The following CNGA3 variants were observed in gnomAD, a reference collection of about 807,000 sequenced individuals.
CNGA3 encodes cyclic nucleotide-gated channel alpha-3.
CNGA3 carries 42 observed loss-of-function variants against 46.6 expected under a neutral mutation model. The observed-to-expected ratio is 0.90, with a 90% CI of 0.70 to 1.17. The LOEUF (loss-of-function observed/expected upper bound fraction) is 1.17, where lower values mean the gene tolerates loss of function less well. CNGA3 is among the 50% of genes most tolerant of loss of function. CNGA3 has a pLI of 0.00. For missense variants in CNGA3, 893 were observed against 890.7 expected, an observed-to-expected ratio of 1.00 and a Z score of -0.03; for synonymous variants, 394 against 369.4, an observed-to-expected ratio of 1.07 and a Z score of -0.76.
Position 98,387,133 on chromosome 2 carries a change from T to C in CNGA3, c.450-2525T>C, listed in dbSNP as rs1692672175. ...CTTAGCAAAATATTAGGAACCGTTTTCCCACGTCACTAGCTCTTCTGAAAC... is the reference window on the plus strand; with the variant it reads ...CTTAGCAAAATATTAGGAACCGTTTCCCCACGTCACTAGCTCTTCTGAAAC... On this transcript the variant is annotated intron_variant, in intron 5 of 7. Coordinates refer to ENST00000272602, the MANE Select transcript of CNGA3 (RefSeq NM_001298.3). Among the ~76,000 whole-genome samples the C allele has an allele frequency of 4.6e-5, 7 of 152,364 alleles. No homozygotes were observed. The South Asian group carries it at 1.5e-3, about 32-fold the overall frequency.
At chr2:98,365,851 T>C (rs1254008795) in intron 1 of CNGA3, among the ~76,000 whole-genome samples, 22 of 152,210 alleles carry the variant, frequency 1.4e-4, no homozygotes. Context: ...CGTGCTCCTT[T>C]AGCTCAGCAA....
intron 2 of CNGA3, among the ~76,000 whole-genome samples, chr2:98,375,429 C>A (rs951947656): frequency 6.6e-6 from 1 of 152,202 alleles, no homozygotes; most frequent in Non-Finnish European, 1.5e-5. Flanking sequence ...CACCACCACC[C>A]CCATGCCAGC....
chr2:98,375,248 A>G (rs918487231), intron 2 of CNGA3, among the ~76,000 whole-genome samples: 15 of 152,236 alleles, frequency 9.9e-5, no homozygotes, highest in African/African-American at 3.6e-4. Context: ...ATGTGCCCTC[A>G]TGCAATTAGC....
chr2:98,387,930 T>C (rs1692689934), intron 5 of CNGA3, among the ~76,000 whole-genome samples: 1 of 152,308 alleles, frequency 6.6e-6, no homozygotes. Context: ...TGGGTCTATG[T>C]CGTACTACCT....
In CNGA3 at chr2:98,396,307, C is replaced by G; in HGVS notation, c.1137C>G (p.Leu379=). The change falls in exon 8 of 8, where the codon CTC becomes CTG. Residue 379 remains leucine (L), a synonymous_variant. Transcript: ENST00000272602. ...TPPPVKDEEY[L]FVVVDFLVGV... is the part of the protein sequence containing the mutation. ...CCCCCGTGAAAGATGAGGAGTATCT[C>G]TTTGTGGTCGTAGACTTCTTGGTGG... 1 of 1,611,272 alleles carries G rather than the reference C, an allele frequency of 6.2e-7. No homozygotes were observed. Among genetic ancestry groups the G allele is most frequent in the Non-Finnish European group, 8.5e-7 (1 of 1,177,878 alleles).
At position 98,358,760 on chromosome 2, in the gene CNGA3, ATCT is replaced by A. The variant is rs977992328; in HGVS notation, c.-37-11175_-37-11173del. Among the ~76,000 whole-genome samples, 11 of 147,620 alleles carry A rather than the reference ATCT, an allele frequency of 7.5e-5. 1 individual carries two copies. The highest frequency in any genetic ancestry group is 6.6e-4 in the Admixed American group (10 of 15,082). On this transcript the variant is annotated intron_variant, in intron 1 of 7. Coordinates refer to ENST00000272602, the MANE Select transcript of CNGA3 (RefSeq NM_001298.3). ...ACTTATGAGACAATAGGGAAAAAAG[ATCT>A]TCTGAGTTATCTTAAACTTACATTT...
chr2:98,387,467 T>A (rs1692677975), intron 5 of CNGA3, among the ~76,000 whole-genome samples: 1 of 152,238 alleles, frequency 6.6e-6, no homozygotes, highest in Admixed American at 6.5e-5. Context: ...TTTCTTCAAC[T>A]ATTCAATGGG....
At chr2:98,368,184 C>T (rs376079751) in intron 1 of CNGA3, among the ~76,000 whole-genome samples, 1 of 152,254 alleles carries the variant, frequency 6.6e-6, no homozygotes, top group Non-Finnish European at 1.5e-5. Context: ...CAGGACCCTG[C>T]TGAGCCGATG....
chr2:98,352,511 G>T (rs754380027), intron 1 of CNGA3, among the ~76,000 whole-genome samples: 2 of 152,284 alleles, frequency 1.3e-5, no homozygotes, highest in Admixed American at 1.3e-4. Context: ...AATGAATGAG[G>T]CTTCCAGTTT....
intron 1 of CNGA3, chr2:98,356,074 G>A (rs1377130885): frequency 6.6e-6 from 1 of 152,188 alleles, no homozygotes; most frequent in Non-Finnish European, 1.5e-5. Context: ...CTTCAGCACT[G>A]GAGAATTTCC....
intron 2 of CNGA3, among the ~76,000 whole-genome samples, chr2:98,371,395 T>G (rs1401812735): frequency 1.3e-5 from 2 of 152,172 alleles, no homozygotes; most frequent in Admixed American, 1.3e-4. Context: ...CTGTCTACAC[T>G]CTTGGTCCCA....
intron 2 of CNGA3, among the ~76,000 whole-genome samples, chr2:98,375,514 A>T (rs1387875772): frequency 6.6e-6 from 1 of 152,212 alleles, no homozygotes. Flanking sequence ...TCCTGCCTTT[A>T]TAGTATACAG....
chr2:98,377,704 A>AG lies in CNGA3; in HGVS notation c.121dup (p.Glu41GlyfsTer19). Reference sequence around the variant, plus strand: ...TTTCCTAGAGCCCACTCGTCAAGTGAGGAGACATCGTCAGTGCTGCAGCCG... The same window carrying AG: ...TTTCCTAGAGCCCACTCGTCAAGTGAGGGAGACATCGTCAGTGCTGCAGCCG... On this transcript the variant is annotated frameshift_variant, in exon 3 of 8. Transcript: ENST00000272602. LOFTEE classifies it high-confidence loss of function. 6.2e-7 allele frequency: 1 copy of AG among 1,613,382 alleles called. No individual in the cohort carries two copies. The highest frequency in any genetic ancestry group is 8.5e-7 in the Non-Finnish European group (1 of 1,179,986).
At chr2:98,384,613 A>G (rs951328862) in intron 5 of CNGA3, among the ~76,000 whole-genome samples, 1 of 152,258 alleles carries the variant, frequency 6.6e-6, no homozygotes, top group Admixed American at 6.5e-5. Flanking sequence ...GATTTTATCT[A>G]CAAAGCAATA....
rs1558820134 is a variant in CNGA3 at position 98,396,155 on chromosome 2, G to T, written c.985G>T (p.Gly329Cys). ...CTACTTTGCCATTTCCAAGTTCATT[G>T]GTTTTGGGACAGACTCCTGGGTCTA... is the stretch of plus-strand genomic sequence containing the variant. ...CIYFAISKFI[G>C]FGTDSWVYPN... The change falls in exon 8 of 8, where the codon GGT (glycine) becomes TGT (cysteine). Residue 329 changes from glycine to cysteine, a missense_variant. By Grantham distance (159) the Gly-to-Cys change is radical. Transcript: ENST00000272602. 6.2e-7 allele frequency: 1 copy of T among 1,614,114 alleles called. No homozygotes were observed. Among genetic ancestry groups the T allele is most frequent in the Non-Finnish European group, 8.5e-7 (1 of 1,180,026 alleles).
At chr2:98,379,957 G>A (rs540272676) in intron 3 of CNGA3, 18 of 608,358 alleles carry the variant, frequency 3.0e-5, no homozygotes, top group African/African-American at 2.9e-4. Flanking sequence ...TGACTGCAGG[G>A]TGGAGGGAGA....
intron 1 of CNGA3, among the ~76,000 whole-genome samples, chr2:98,357,228 C>T (rs1017352767): frequency 3.9e-5 from 6 of 152,274 alleles, no homozygotes; most frequent in African/African-American, 1.2e-4. Context: ...GCGTTAAATG[C>T]CTGACTACTC....
At position 98,396,137 on chromosome 2, in the gene CNGA3, G is replaced by C. The variant is rs146195955; in HGVS notation, c.967G>C (p.Ala323Pro). The change falls in exon 8 of 8, where the codon GCC becomes CCC. Residue 323 changes from alanine to proline, a missense_variant. Transcript: ENST00000272602. ...IIHWNACIYF[A>P]ISKFIGFGTD... ...CCACTGGAATGCCTGCATCTACTTT[G>C]CCATTTCCAAGTTCATTGGTTTTGG... 79 of 1,614,130 alleles carry C rather than the reference G, an allele frequency of 4.9e-5. No individual in the cohort carries two copies. In the African/African-American group the frequency reaches 1.0e-3, roughly 20 times the overall value.
chr2:98,379,951 T>C, intron 3 of CNGA3: 2 of 601,136 alleles, frequency 3.3e-6, no homozygotes, highest in South Asian at 2.0e-5. Context: ...TGCCCCTGAC[T>C]GCAGGGTGGA....
Sources: allele counts gnomAD v4.1 joint callset (sites outside exome capture counted in the v4.1 genomes callset), GRCh38; gene constraint gnomAD v4.1.1; transcripts MANE v1.5; gene names NCBI Gene and HGNC (gene_info 2026-07-23, HGNC 2026-07-21).